CREBRF: variants seen among roughly 807,000 people sequenced by gnomAD.
CREBRF encodes the protein CREB3 regulatory factor.
CREBRF carries 5 observed loss-of-function variants against 66.1 expected under a neutral mutation model. The ratio of observed to expected loss-of-function variants is 0.08; its 90% CI spans 0.04 to 0.16. CREBRF has a LOEUF of 0.16. Ranked by LOEUF, CREBRF falls within the 10% of genes least tolerant of loss-of-function variation. CREBRF has a pLI of 1.00. For missense variants in CREBRF, 531 were observed against 744.9 expected (o/e 0.71, Z 3.34); for synonymous variants, 229 against 264.4 (o/e 0.87, Z 1.30).
chr5:173,075,154 C>G (rs552343018), intron 1 of CREBRF, among the ~76,000 whole-genome samples: 4 of 152,230 alleles, frequency 2.6e-5, no homozygotes, highest in Admixed American at 2.6e-4. Flanking sequence ...CTAGCAGCAG[C>G]AGAATTTGGA....
intron 8 of CREBRF, among the ~76,000 whole-genome samples, chr5:173,127,709 C>T (rs1759309203): frequency 6.6e-6 from 1 of 152,162 alleles, no homozygotes; most frequent in Non-Finnish European, 1.5e-5. Flanking sequence ...CCACCCACCT[C>T]AGCCTCCCAA....
rs753902853 is a variant in CREBRF at position 173,080,729 on chromosome 5, G to GA, written c.-39dup. ...AAGCTGGAAAGGAATTTACAAACAA[G>GA]AAAAAAAAGAAGTTTGGAATCGGAT... is the stretch of plus-strand genomic sequence containing the variant. On this transcript the variant is annotated 5_prime_UTR_variant, in exon 2 of 9. Coordinates refer to ENST00000296953, the MANE Select transcript of CREBRF (RefSeq NM_153607.3). 73 of 1,598,136 alleles carry GA rather than the reference G, an allele frequency of 4.6e-5. No homozygotes were observed. Among genetic ancestry groups the GA allele is most frequent in the African/African-American group, 1.5e-4 (11 of 74,354 alleles).
chr5:173,090,310 C>T lies in CREBRF; in HGVS notation c.136-5C>T. Reference sequence around the variant, plus strand: ...GTGCAATTTCTTTTTTAAAACCTTTCTCAGGATAGAGAGATGAACTACCAA... The same window carrying T: ...GTGCAATTTCTTTTTTAAAACCTTTTTCAGGATAGAGAGATGAACTACCAA... On this transcript the variant is annotated splice_region_variant and splice_polypyrimidine_tract_variant and intron_variant, in intron 3 of 8. Transcript: ENST00000296953. The surrounding 1 kb of genome is among the most constrained non-coding windows in gnomAD (Gnocchi z 4.5). 1 of 1,569,430 alleles carries T rather than the reference C, an allele frequency of 6.4e-7. No homozygotes were observed. The highest frequency in any genetic ancestry group is 1.2e-5 in the South Asian group (1 of 86,476).
At chr5:173,064,588 CAG>C (rs1475735155) in intron 1 of CREBRF, among the ~76,000 whole-genome samples, 3 of 129,862 alleles carry the variant, frequency 2.3e-5, no homozygotes, top group African/African-American at 8.9e-5. Flanking sequence ...TTTTTTGAGA[CAG>C]AGTCTCGCTC....
At chr5:173,058,051 A>G (rs113223548) in intron 1 of CREBRF, among the ~76,000 whole-genome samples, 1 of 145,228 alleles carries the variant, frequency 6.9e-6, no homozygotes, top group African/African-American at 2.6e-5. Flanking sequence ...TTTTTTTTTT[A>G]AAGCAGAAAA....
In CREBRF at chr5:173,136,303, G is replaced by A. The variant is rs1759587223; in HGVS notation, c.*2558G>A. 6.6e-6 allele frequency: 1 copy of A among 151,836 alleles called. No individual in the cohort carries two copies. Among genetic ancestry groups the A allele is most frequent in the Non-Finnish European group, 1.5e-5 (1 of 67,796 alleles). The allele number at this position is 151,836 out of a possible 1,614,324, so 9.4% of individuals were successfully genotyped here. ...TCAGTGTTTTATATGTACTACTTAA[G>A]TTAAATAGTTAAAAGCTTTTAAATA... is the stretch of plus-strand genomic sequence containing the variant. On this transcript the variant is annotated 3_prime_UTR_variant, in exon 9 of 9. Coordinates refer to ENST00000296953, the MANE Select transcript of CREBRF (RefSeq NM_153607.3).
At position 173,090,357 on chromosome 5, in the gene CREBRF, C is replaced by G; in HGVS notation, c.178C>G (p.Leu60Val). 1 of 1,605,344 alleles carries G rather than the reference C, an allele frequency of 6.2e-7. No individual in the cohort carries two copies. The highest frequency in any genetic ancestry group is 8.5e-7 in the Non-Finnish European group (1 of 1,172,538). ...NYQQNPRDNF[L>V]SLEDCKDIEN... ...CCAACAGAATCCTAGAGACAACTTT[C>G]TTTCTTTGGAGGACTGCAAAGACAT... The change falls in exon 4 of 9, where the codon CTT becomes GTT. Residue 60 changes from leucine (L) to valine (V), a missense_variant. Around this residue, in one of 5 missense-constraint regions of CREBRF, gnomAD observed 133 missense variants for 215.6 expected, o/e 0.62. Transcript: ENST00000296953. The surrounding 1 kb of genome is among the most constrained non-coding windows in gnomAD (Gnocchi z 4.5).
intron 4 of CREBRF, among the ~76,000 whole-genome samples, chr5:173,097,713 G>A (rs900544774): frequency 6.6e-6 from 1 of 151,884 alleles, no homozygotes; most frequent in Non-Finnish European, 1.5e-5. Context: ...ATGATTCTTT[G>A]CATTTCTGTG....
At chr5:173,129,870 A>C (rs1759374145) in intron 8 of CREBRF, among the ~76,000 whole-genome samples, 1 of 152,110 alleles carries the variant, frequency 6.6e-6, no homozygotes, top group Non-Finnish European at 1.5e-5. Flanking sequence ...TCTGTCGCCC[A>C]GACTGGAGTG....
intron 8 of CREBRF, among the ~76,000 whole-genome samples, chr5:173,131,501 G>GA (rs1233261464): frequency 6.6e-6 from 1 of 151,824 alleles, no homozygotes; most frequent in Non-Finnish European, 1.5e-5. Context: ...TTATTTTTAT[G>GA]AAAAATCCAG....
At chr5:173,056,532 G>A in intron 1 of CREBRF, 53 bp downstream of exon 1, 1 of 398,000 alleles carries the variant, frequency 2.5e-6, no homozygotes, top group Non-Finnish European at 4.4e-6. Context: ...GCTGGGGGAA[G>A]AGCGGAACGG....
chr5:173,130,626 GT>G (rs1759401301), intron 8 of CREBRF, among the ~76,000 whole-genome samples: 1 of 151,756 alleles, frequency 6.6e-6, no homozygotes, highest in Non-Finnish European at 1.5e-5. Context: ...CTGGACTCAA[GT>G]GATCTTTCAG....
At chr5:173,064,958 C>T (rs750150833) in intron 1 of CREBRF, among the ~76,000 whole-genome samples, 1 of 152,150 alleles carries the variant, frequency 6.6e-6, no homozygotes, top group East Asian at 1.9e-4. Flanking sequence ...ACCCTCCTGC[C>T]TCAGCCTCCC....
chr5:173,080,197 G>A (rs1030358569), intron 1 of CREBRF, among the ~76,000 whole-genome samples: 14 of 152,078 alleles, frequency 9.2e-5, no homozygotes, highest in Admixed American at 2.6e-4. Flanking sequence ...TAGCAGTAAT[G>A]ATTATACAAT....
chr5:173,125,167 G>T lies in CREBRF; in HGVS notation c.1804+1965G>T, dbSNP rs529910360. On this transcript the variant is annotated intron_variant, in intron 8 of 8. Transcript: ENST00000296953. ...ACTCCTGACTTCAAATGATCTTCCTGCCTTGTGTCACTTTTTCTTGAATCA... is the reference window on the plus strand; with the variant it reads ...ACTCCTGACTTCAAATGATCTTCCTTCCTTGTGTCACTTTTTCTTGAATCA... Among the ~76,000 whole-genome samples, 8 of 151,856 alleles carry T rather than the reference G, an allele frequency of 5.3e-5. No homozygotes were observed. The South Asian group carries it at 1.7e-3, about 32-fold the overall frequency.
chr5:173,122,476 C>G (rs1759158867), intron 7 of CREBRF, among the ~76,000 whole-genome samples: 1 of 150,926 alleles, frequency 6.6e-6, no homozygotes, highest in Non-Finnish European at 1.5e-5. Context: ...TGCTTATAAT[C>G]ATTACTGCTT....
intron 4 of CREBRF, among the ~76,000 whole-genome samples, chr5:173,107,293 G>A (rs905987822): frequency 1.3e-5 from 2 of 152,118 alleles, no homozygotes; most frequent in Admixed American, 1.3e-4. Flanking sequence ...CCTTAGGTTT[G>A]GATTGTGTAC....
rs1295757337 is a variant in CREBRF at position 173,090,404 on chromosome 5, A to G, written c.225A>G (p.Thr75=). 2.5e-6 allele frequency: 4 copies of G among 1,613,870 alleles called. No homozygotes were observed. Among genetic ancestry groups the G allele is most frequent in the Non-Finnish European group, 2.5e-6 (3 of 1,179,876 alleles). The part of the protein sequence containing the change: ...CKDIENLESF[T]DVLDNEGALT... ...ACATTGAAAATCTGGAGTCTTTCAC[A>G]GATGTCCTGGATAATGAGGGTGCTT... The change falls in exon 4 of 9, where the codon ACA becomes ACG. Residue 75 remains threonine, a synonymous_variant. Coordinates refer to ENST00000296953, the MANE Select transcript of CREBRF (RefSeq NM_153607.3). This position sits in a 1 kb window ranked among gnomAD's most constrained non-coding sequence, Gnocchi z 4.5.
At chr5:173,078,797 T>C (rs1757846853) in intron 1 of CREBRF, among the ~76,000 whole-genome samples, 1 of 152,104 alleles carries the variant, frequency 6.6e-6, no homozygotes, top group South Asian at 2.1e-4. Context: ...AGTGCTGGGG[T>C]TACAGGTGTG....
Sources: allele counts gnomAD v4.1 joint callset (sites outside exome capture counted in the v4.1 genomes callset), GRCh38; gene constraint gnomAD v4.1.1; regional missense constraint gnomAD v4.1.1; non-coding constraint Gnocchi (gnomAD v3.1); transcripts MANE v1.5; gene names NCBI Gene and HGNC (gene_info 2026-07-23, HGNC 2026-07-21).